The following PRKCE variants were observed in gnomAD, a reference collection of about 807,000 sequenced individuals.
PRKCE encodes the protein protein kinase C epsilon, also known as protein kinase C epsilon type.
Under a neutral mutation model 85.4 loss-of-function variants are expected in PRKCE, and 16 were observed. The observed-to-expected ratio is 0.19, with a 90% CI of 0.13 to 0.28. The LOEUF (loss-of-function observed/expected upper bound fraction) is 0.28. Ranked by LOEUF, PRKCE falls within the 10% of genes least tolerant of loss-of-function variation. The pLI, the probability that PRKCE is intolerant of heterozygous loss-of-function variation, is 1.00. For synonymous variants in PRKCE, 388 were observed against 371.5 expected (o/e 1.04, Z -0.51); for missense variants, 573 against 975.2 (o/e 0.59, Z 5.49).
intron 11 of PRKCE, among the ~76,000 whole-genome samples, chr2:46,087,197 C>T (rs1157358557): frequency 4.0e-5 from 6 of 149,788 alleles, no homozygotes; most frequent in African/African-American, 1.2e-4. Flanking sequence ...TAGCTGGCTT[C>T]GTTTCACCTA....
intron 1 of PRKCE, among the ~76,000 whole-genome samples, chr2:45,745,735 C>T (rs1374923490): frequency 2.0e-5 from 3 of 152,120 alleles, no homozygotes; most frequent in Admixed American, 6.5e-5. Context: ...AGGGATAATA[C>T]GTGTGGACCA....
At chr2:46,085,887 A>T (rs978624410) in intron 10 of PRKCE, among the ~76,000 whole-genome samples, 3 of 152,068 alleles carry the variant, frequency 2.0e-5, no homozygotes, top group Non-Finnish European at 1.5e-5. Context: ...AAGGGCAGAG[A>T]CTTGTCCAAG....
At chr2:45,690,682 C>A (rs138523523) in intron 1 of PRKCE, among the ~76,000 whole-genome samples, 3 of 152,142 alleles carry the variant, frequency 2.0e-5, no homozygotes, top group Non-Finnish European at 4.4e-5. Context: ...CTGTGTATAT[C>A]GTGTGGGAGC....
chr2:45,710,381 A>T (rs1448434867), intron 1 of PRKCE, among the ~76,000 whole-genome samples: 1 of 152,204 alleles, frequency 6.6e-6, no homozygotes, highest in Non-Finnish European at 1.5e-5. Flanking sequence ...AGCCTCTTGT[A>T]AGTACTCCTT....
At chr2:45,906,631 T>A (rs1246615663) in intron 2 of PRKCE, among the ~76,000 whole-genome samples, 1 of 152,156 alleles carries the variant, frequency 6.6e-6, no homozygotes, top group African/African-American at 2.4e-5. Flanking sequence ...TCTGCTGGGT[T>A]AGGTTGGGGG....
chr2:45,908,775 C>T lies in PRKCE; in HGVS notation c.412+65712C>T, dbSNP rs115969294. On this transcript the variant is annotated intron_variant, in intron 2 of 14. Transcript: ENST00000306156. The stretch of plus-strand genomic sequence containing the variant: ...ACTGGGGCAATGTGGAGGATCTCTC[C>T]GGGAGAATGTTGCCTCAGTTTCCCT... Among the ~76,000 whole-genome samples, 267 of 152,240 alleles carry T rather than the reference C, an allele frequency of 1.8e-3. 4 individuals carry two copies. The highest frequency in any genetic ancestry group is 6.3e-3 in the African/African-American group (260 of 41,536).
At chr2:45,840,837 G>A (rs1691288205) in intron 1 of PRKCE, among the ~76,000 whole-genome samples, 1 of 152,176 alleles carries the variant, frequency 6.6e-6, no homozygotes, top group Non-Finnish European at 1.5e-5. Flanking sequence ...CCAGCTGGTC[G>A]CTTTGTCTCA....
At chr2:45,976,309 C>A in intron 2 of PRKCE, 120 bp from the exon 3 acceptor site, 1 of 1,195,804 alleles carries the variant, frequency 8.4e-7, no homozygotes, top group Non-Finnish European at 1.2e-6. Flanking sequence ...CACACAAAGG[C>A]TACCTCTCAC....
intron 11 of PRKCE, among the ~76,000 whole-genome samples, chr2:46,124,336 A>G (rs1673639973): frequency 1.3e-5 from 2 of 152,232 alleles, no homozygotes; most frequent in African/African-American, 4.8e-5. Flanking sequence ...AACAAAAAAG[A>G]AAGAGAGATA....
At position 46,028,583 on chromosome 2, in the gene PRKCE, C is replaced by G. The variant is rs536855172; in HGVS notation, c.1437+18066C>G. On this transcript the variant is annotated intron_variant, in intron 10 of 14. Coordinates refer to ENST00000306156, the MANE Select transcript of PRKCE (RefSeq NM_005400.3). ...TGCCACCACTGGTTGAAAATAACAG[C>G]TTTCCTTGCTGCCATCACATACGTA... 3.3e-5 allele frequency among the ~76,000 whole-genome samples: 5 copies of G among 152,316 alleles called. No individual in the cohort carries two copies. The South Asian group carries it at 1.0e-3, about 32-fold the overall frequency.
At chr2:46,090,740 C>G (rs1305249864) in intron 11 of PRKCE, among the ~76,000 whole-genome samples, 4 of 140,458 alleles carry the variant, frequency 2.8e-5, no homozygotes, top group Non-Finnish European at 4.7e-5. Context: ...GCCTTTGTAT[C>G]AAGCTGCAAA....
At chr2:45,811,453 C>A (rs758354326) in intron 1 of PRKCE, among the ~76,000 whole-genome samples, 10 of 152,174 alleles carry the variant, frequency 6.6e-5, no homozygotes, top group Non-Finnish European at 1.5e-4. Context: ...TCCATAGATT[C>A]TTATTAAAGG....
intron 1 of PRKCE, among the ~76,000 whole-genome samples, chr2:45,795,193 C>T (rs1014569225): frequency 7.9e-5 from 12 of 152,204 alleles, no homozygotes; most frequent in Non-Finnish European, 5.9e-5. Flanking sequence ...ATGGGCGTGT[C>T]GTGGAGTGAC....
At chr2:45,767,480 A>T (rs1354664571) in intron 1 of PRKCE, among the ~76,000 whole-genome samples, 1 of 152,218 alleles carries the variant, frequency 6.6e-6, no homozygotes, top group Non-Finnish European at 1.5e-5. Flanking sequence ...ATGTAGAAAG[A>T]GGGTATGTAA....
chr2:45,950,509 C>T (rs1700547018), intron 2 of PRKCE, among the ~76,000 whole-genome samples: 2 of 152,254 alleles, frequency 1.3e-5, no homozygotes, highest in Middle Eastern at 3.4e-3. Flanking sequence ...ATAAAGATGT[C>T]ACAGCACATT....
chr2:46,167,738 A>C (rs1185552159), intron 14 of PRKCE: 10 of 147,798 alleles, frequency 6.8e-5, no homozygotes, highest in South Asian at 2.2e-4. Flanking sequence ...TTTTCTCAGC[A>C]CCCCCCACCC....
intron 11 of PRKCE, among the ~76,000 whole-genome samples, chr2:46,140,859 A>G (rs943292592): frequency 1.3e-5 from 2 of 152,192 alleles, no homozygotes; most frequent in African/African-American, 4.8e-5. Flanking sequence ...CACAAAAGAA[A>G]AATGGGCAAC....
At chr2:45,858,834 A>G (rs1200399751) in intron 2 of PRKCE, among the ~76,000 whole-genome samples, 2 of 152,176 alleles carry the variant, frequency 1.3e-5, no homozygotes, top group East Asian at 3.9e-4. Flanking sequence ...TGAGGTCAGG[A>G]GTTTGAGACC....
At chr2:45,726,755 T>A (rs1163918666) in intron 1 of PRKCE, among the ~76,000 whole-genome samples, 1 of 152,176 alleles carries the variant, frequency 6.6e-6, no homozygotes, top group Non-Finnish European at 1.5e-5. Context: ...AGATATGTCC[T>A]GGGAGCCTGT....
Sources: gnomAD v4.1 joint callset for allele counts (sites outside exome capture counted in the v4.1 genomes callset) on GRCh38, gnomAD v4.1.1 for gene constraint, MANE v1.5 for transcripts, NCBI Gene and HGNC (gene_info 2026-07-23, HGNC 2026-07-21) for gene names.